The following RIC1 variants were observed in gnomAD, a reference collection of about 807,000 sequenced individuals.
The protein encoded by RIC1 is guanine nucleotide exchange factor subunit RIC1.
Under a neutral mutation model 169.0 loss-of-function variants are expected in RIC1, and 88 were observed. The observed-to-expected ratio is 0.52, with a 90% CI of 0.44 to 0.62. The LOEUF is 0.62. RIC1 is among the 20% of genes least tolerant of loss of function. RIC1 has a pLI of 0.00. For synonymous variants in RIC1, 790 were observed against 601.5 expected (o/e 1.31, Z -4.59); for missense variants, 1,877 against 1,725.5 (o/e 1.09, Z -1.56).
chr9:5,753,448 C>A, intron 13 of RIC1, 88 bp from the exon 14 acceptor site: 2 of 860,544 alleles, frequency 2.3e-6, no homozygotes, highest in South Asian at 1.6e-5. Context: ...TATTAATTGT[C>A]TGTTTGCCTG....
chr9:5,685,289 A>G lies in RIC1; in HGVS notation c.253-4670A>G, dbSNP rs1157183787. 6.6e-5 allele frequency among the ~76,000 whole-genome samples: 10 copies of G among 150,862 alleles called. No homozygotes were observed. In the South Asian group the frequency reaches 1.3e-3, roughly 19 times the overall value. ...TGGAAAAAACTACTTTAAAGTTCAT[A>G]TGGAACCAAAAAAGAGCCCGCATCG... On this transcript the variant is annotated intron_variant, in intron 2 of 25. Transcript: ENST00000414202.
At chr9:5,767,597 T>TC in intron 21 of RIC1, among the ~76,000 whole-genome samples, 1 of 152,340 alleles carries the variant, frequency 6.6e-6, no homozygotes, top group African/African-American at 2.4e-5. Context: ...TGGGTTTTTT[T>TC]GTTTTTTGAG....
At chr9:5,724,702 G>GT in intron 6 of RIC1, among the ~76,000 whole-genome samples, 1 of 152,186 alleles carries the variant, frequency 6.6e-6, no homozygotes, top group African/African-American at 2.4e-5. Context: ...TTTGTCATAA[G>GT]TAGCTCTTAT....
At chr9:5,656,760 T>G in intron 2 of RIC1, 70 bp downstream of exon 2, 1 of 876,312 alleles carries the variant, frequency 1.1e-6, no homozygotes, top group Middle Eastern at 2.3e-4. Flanking sequence ...TTTGATTCTC[T>G]TAGATGACTT....
intron 4 of RIC1, 40 bp from the exon 5 acceptor site, chr9:5,720,142 C>A: frequency 6.5e-7 from 1 of 1,548,172 alleles, no homozygotes; most frequent in Non-Finnish European, 8.9e-7. Flanking sequence ...CATTGCTTTC[C>A]CAGTATGCTC....
intron 21 of RIC1, among the ~76,000 whole-genome samples, chr9:5,767,301 G>C (rs920534617): frequency 6.6e-6 from 1 of 152,158 alleles, no homozygotes; most frequent in Non-Finnish European, 1.5e-5. Flanking sequence ...GACTGAAACT[G>C]CTATCACCCA....
intron 1 of RIC1, among the ~76,000 whole-genome samples, chr9:5,656,121 T>C (rs1326277759): frequency 6.6e-6 from 1 of 151,554 alleles, no homozygotes; most frequent in Admixed American, 6.6e-5. Flanking sequence ...CCGCCCACCA[T>C]GGCCTCCCAA....
chr9:5,739,616 C>T (rs946224454), intron 8 of RIC1, among the ~76,000 whole-genome samples: 1 of 152,146 alleles, frequency 6.6e-6, no homozygotes, highest in Non-Finnish European at 1.5e-5. Context: ...TCAACATTAT[C>T]TTGCCTGGCG....
At chr9:5,745,600 T>G (rs575530153) in intron 10 of RIC1, among the ~76,000 whole-genome samples, 112 of 152,250 alleles carry the variant, frequency 7.4e-4, no homozygotes, top group African/African-American at 2.6e-3. Context: ...GGAATTTCTT[T>G]GTATTTGAGA....
intron 7 of RIC1, among the ~76,000 whole-genome samples, chr9:5,737,016 C>G (rs989388455): frequency 6.6e-6 from 1 of 151,522 alleles, no homozygotes; most frequent in Non-Finnish European, 1.5e-5. Context: ...TAGTCATAAA[C>G]CAGTGTCATC....
intron 6 of RIC1, among the ~76,000 whole-genome samples, chr9:5,731,930 G>T (rs1824392796): frequency 6.6e-6 from 1 of 152,154 alleles, no homozygotes; most frequent in African/African-American, 2.4e-5. Flanking sequence ...GTAGAGAATA[G>T]TAAGCAATTT....
chr9:5,648,427 G>T (rs533294908), intron 1 of RIC1, among the ~76,000 whole-genome samples: 2 of 152,124 alleles, frequency 1.3e-5, no homozygotes, highest in Non-Finnish European at 2.9e-5. Flanking sequence ...TTATCTGTTG[G>T]TGGACACTTA....
chr9:5,773,147 T>G, intron 25 of RIC1, 67 bp downstream of exon 25: 1 of 874,078 alleles, frequency 1.1e-6, no homozygotes, highest in Non-Finnish European at 1.7e-6. Flanking sequence ...CCTTTCACAT[T>G]AAGGCCTAGT....
intron 2 of RIC1, among the ~76,000 whole-genome samples, chr9:5,670,102 A>T (rs1820003459): frequency 6.6e-6 from 1 of 152,214 alleles, no homozygotes; most frequent in Non-Finnish European, 1.5e-5. Context: ...CATCTCACAA[A>T]TACAGGAAAT....
At chr9:5,634,618 C>A (rs1318692372) in intron 1 of RIC1, among the ~76,000 whole-genome samples, 3 of 151,970 alleles carry the variant, frequency 2.0e-5, no homozygotes, top group Admixed American at 2.0e-4. Flanking sequence ...TGAATATTAG[C>A]CCCCTTTTAG....
chr9:5,725,470 A>G (rs1389439249), intron 6 of RIC1, among the ~76,000 whole-genome samples: 1 of 151,984 alleles, frequency 6.6e-6, no homozygotes, highest in African/African-American at 2.4e-5. Context: ...TAGTCTTGCT[A>G]GTGGTCTATC....
At chr9:5,715,919 C>G (rs1373884792) in intron 4 of RIC1, among the ~76,000 whole-genome samples, 1 of 151,906 alleles carries the variant, frequency 6.6e-6, no homozygotes, top group African/African-American at 2.4e-5. Flanking sequence ...ATGATCACAG[C>G]TCACTGCAGC....
At chr9:5,746,407 TGA>T (rs1825378961) in intron 11 of RIC1, among the ~76,000 whole-genome samples, 1 of 152,154 alleles carries the variant, frequency 6.6e-6, no homozygotes, top group South Asian at 2.1e-4. Context: ...GCACTACTTA[TGA>T]GAGATATTAG....
At chr9:5,756,513 T>G (rs1342353913) in intron 16 of RIC1, 141 bp downstream of exon 16, 1 of 464,518 alleles carries the variant, frequency 2.2e-6, no homozygotes, top group African/African-American at 2.0e-5. Context: ...CAAGGAGTTT[T>G]AATTAGTGAT....
Sources: gnomAD v4.1 joint callset for allele counts (sites outside exome capture counted in the v4.1 genomes callset) on GRCh38, gnomAD v4.1.1 for gene constraint, MANE v1.5 for transcripts, NCBI Gene and HGNC (gene_info 2026-07-23, HGNC 2026-07-21) for gene names.